The following FSTL4 variants were observed in gnomAD, a reference collection of about 807,000 sequenced individuals.
The protein encoded by FSTL4 is follistatin like 4, also known as follistatin-related protein 4.
In FSTL4, 28 loss-of-function variants were observed where a neutral mutation model predicts 78.2. That is an observed-to-expected ratio of 0.36 (90% CI 0.27 to 0.49). The LOEUF is 0.49. Ranked by LOEUF, FSTL4 falls within the 20% of genes least tolerant of loss-of-function variation. The pLI, the probability that FSTL4 is intolerant of heterozygous loss-of-function variation, is 0.98. For missense variants in FSTL4, 922 were observed against 1,084.9 expected, an observed-to-expected ratio of 0.85 and a Z score of 2.11; for synonymous variants, 422 against 440.5, an observed-to-expected ratio of 0.96 and a Z score of 0.53.
At position 133,260,391 on chromosome 5, in the gene FSTL4, A is replaced by G. The variant is rs550628855; in HGVS notation, c.728-10815T>C. 3.3e-5 allele frequency among the ~76,000 whole-genome samples: 5 copies of G among 152,366 alleles called. No individual in the cohort carries two copies. The East Asian group carries it at 9.6e-4, about 29-fold the overall frequency. On this transcript the variant is annotated intron_variant, in intron 6 of 15. Transcript: ENST00000265342. ...TCTGTCATGGCTGTGTTTTGTAAACAGGCATCTGCAGACCATTTTGAACGG... is the reference window on the plus strand; with the variant it reads ...TCTGTCATGGCTGTGTTTTGTAAACGGGCATCTGCAGACCATTTTGAACGG...
chr5:133,647,185 C>A, the FSTL4 span, among the ~76,000 whole-genome samples: 1 of 152,116 alleles, frequency 6.6e-6, no homozygotes, highest in Non-Finnish European at 1.5e-5. Flanking sequence ...GGTCTTGACT[C>A]CATTGGTGGC....
At chr5:133,356,458 G>C (rs1754946523) in intron 4 of FSTL4, among the ~76,000 whole-genome samples, 1 of 152,158 alleles carries the variant, frequency 6.6e-6, no homozygotes, top group Non-Finnish European at 1.5e-5. Context: ...AGTTTTGATG[G>C]CCAGGGCCAA....
chr5:133,476,297 A>C (rs1757924204), intron 3 of FSTL4, among the ~76,000 whole-genome samples: 1 of 152,194 alleles, frequency 6.6e-6, no homozygotes, highest in Non-Finnish European at 1.5e-5. Context: ...AGTGAGTGCT[A>C]CATCTTGGGC....
intron 3 of FSTL4, among the ~76,000 whole-genome samples, chr5:133,438,163 T>G (rs1757075125): frequency 6.6e-6 from 1 of 152,250 alleles, no homozygotes; most frequent in African/African-American, 2.4e-5. Context: ...GGTGTATATC[T>G]GAACTCTTGC....
At chr5:133,341,392 C>A (rs1267470741) in intron 4 of FSTL4, among the ~76,000 whole-genome samples, 1 of 152,094 alleles carries the variant, frequency 6.6e-6, no homozygotes, top group Non-Finnish European at 1.5e-5. Context: ...TCCCACAGGA[C>A]GTGAGTTGGG....
the FSTL4 span, among the ~76,000 whole-genome samples, chr5:133,798,741 C>G: frequency 6.6e-6 from 1 of 152,212 alleles, no homozygotes; most frequent in African/African-American, 2.4e-5. Context: ...CGTCCCCGCT[C>G]AGTTCTGTGG....
intron 4 of FSTL4, among the ~76,000 whole-genome samples, chr5:133,342,006 G>A (rs931809880): frequency 6.6e-6 from 1 of 152,178 alleles, no homozygotes; most frequent in East Asian, 1.9e-4. Flanking sequence ...TGAGGCTAGA[G>A]CCATCTCCTC....
intron 6 of FSTL4, among the ~76,000 whole-genome samples, chr5:133,260,672 G>A (rs1752498802): frequency 6.6e-6 from 1 of 152,234 alleles, no homozygotes; most frequent in Non-Finnish European, 1.5e-5. Flanking sequence ...TTCCCACTAT[G>A]AGAGACTCCT....
At chr5:133,677,661 A>G in the FSTL4 span, among the ~76,000 whole-genome samples, 3 of 152,236 alleles carry the variant, frequency 2.0e-5, no homozygotes, top group Non-Finnish European at 4.4e-5. Context: ...CAGAGCATTC[A>G]GATCTGTAAC....
chr5:133,501,393 T>C (rs1175508141), intron 3 of FSTL4, among the ~76,000 whole-genome samples: 1 of 152,180 alleles, frequency 6.6e-6, no homozygotes, highest in African/African-American at 2.4e-5. Context: ...AATATCGTAA[T>C]CAGCTCAGGC....
chr5:133,353,476 G>A (rs908165514), intron 4 of FSTL4, among the ~76,000 whole-genome samples: 9 of 152,124 alleles, frequency 5.9e-5, no homozygotes, highest in South Asian at 2.1e-4. Context: ...GGCCCCAGGC[G>A]TTCCTCCTGC....
intron 3 of FSTL4, among the ~76,000 whole-genome samples, chr5:133,548,840 A>C (rs1459889605): frequency 2.0e-5 from 3 of 152,312 alleles, no homozygotes; most frequent in African/African-American, 7.2e-5. Context: ...GGGAAAAAAG[A>C]AGGGAAAAAA....
intron 3 of FSTL4, among the ~76,000 whole-genome samples, chr5:133,443,430 G>C (rs1306948032): frequency 6.6e-6 from 1 of 152,222 alleles, no homozygotes; most frequent in Non-Finnish European, 1.5e-5. Context: ...ATGGTGTTGG[G>C]AGGTCCCCAG....
chr5:133,732,395 CA>C, the FSTL4 span, among the ~76,000 whole-genome samples: 1 of 152,164 alleles, frequency 6.6e-6, no homozygotes, highest in Admixed American at 6.5e-5. Flanking sequence ...GGGCTGGAGA[CA>C]CTCCAGTAGG....
the FSTL4 span, among the ~76,000 whole-genome samples, chr5:133,648,224 G>GA: frequency 6.6e-6 from 1 of 152,048 alleles, no homozygotes; most frequent in African/African-American, 2.4e-5. Flanking sequence ...AAAAGCATGA[G>GA]AAAAAAGGAG....
At chr5:133,227,049 G>A (rs1689507417) in intron 8 of FSTL4, among the ~76,000 whole-genome samples, 1 of 152,162 alleles carries the variant, frequency 6.6e-6, no homozygotes, top group South Asian at 2.1e-4. Context: ...ATCTTTTCTT[G>A]ATCTGTGGGA....
intron 14 of FSTL4, among the ~76,000 whole-genome samples, chr5:133,206,439 T>G (rs1750507412): frequency 6.6e-6 from 1 of 152,086 alleles, no homozygotes; most frequent in South Asian, 2.1e-4. Flanking sequence ...CACTGCAACC[T>G]CCACCTCCAC....
At chr5:133,729,226 AACACACACACACAC>A in the FSTL4 span, among the ~76,000 whole-genome samples, 8 of 148,422 alleles carry the variant, frequency 5.4e-5, no homozygotes, top group East Asian at 6.0e-4. Context: ...GATTTATGAA[AACACACACACACAC>A]ACACACACAC....
chr5:133,648,924 T>G, the FSTL4 span, among the ~76,000 whole-genome samples: 1 of 152,196 alleles, frequency 6.6e-6, no homozygotes, highest in Non-Finnish European at 1.5e-5. Flanking sequence ...GTGTCGTACA[T>G]TCTATGTGTT....
Sources: allele counts gnomAD v4.1 joint callset (sites outside exome capture counted in the v4.1 genomes callset), GRCh38; gene constraint gnomAD v4.1.1; transcripts MANE v1.5; gene names NCBI Gene and HGNC (gene_info 2026-07-23, HGNC 2026-07-21).